The following LIN54 variants were observed in gnomAD, a reference collection of about 807,000 sequenced individuals.
The protein encoded by LIN54 is lin-54 DREAM MuvB core complex component, also known as protein lin-54 homolog.
A neutral mutation model predicts 78.7 loss-of-function variants in LIN54; 9 were observed. The ratio of observed to expected loss-of-function variants is 0.11; its 90% CI spans 0.07 to 0.20. LIN54 has a LOEUF of 0.20. Ranked by LOEUF, LIN54 falls within the 10% of genes least tolerant of loss-of-function variation. The pLI, the probability that LIN54 is intolerant of heterozygous loss-of-function variation, is 1.00. For missense variants in LIN54, 573 were observed against 889.9 expected, an observed-to-expected ratio of 0.64 and a Z score of 4.53; for synonymous variants, 269 against 318.4, an observed-to-expected ratio of 0.84 and a Z score of 1.65.
chr4:82,984,574 C>G lies in LIN54; in HGVS notation c.271G>C (p.Val91Leu). The G allele has an allele frequency of 6.2e-7, 1 of 1,614,194 alleles. No individual in the cohort carries two copies. The highest frequency in any genetic ancestry group is 1.6e-4 in the Middle Eastern group (1 of 6,062). The change falls in exon 2 of 13, where the codon GTG (valine) becomes CTG (leucine). Residue 91 changes from valine to leucine, a missense_variant. Val to Leu is a conservative substitution (Grantham distance 32). Coordinates refer to ENST00000340417, the MANE Select transcript of LIN54 (RefSeq NM_194282.4). ...TITKADSNTT[V>L]KPAFPSGLQK... is the part of the protein sequence containing the mutation. ...AGGCCACTTGGAAAAGCTGGTTTCA[C>G]TGTGGTATTAGAATCTGCTTTAGTA... is the stretch of plus-strand genomic sequence containing the variant.
chr4:82,997,576 A>G (rs1728324856), intron 1 of LIN54, among the ~76,000 whole-genome samples: 1 of 152,062 alleles, frequency 6.6e-6, no homozygotes, highest in South Asian at 2.1e-4. Context: ...GATCACAGTT[A>G]TATTTTGGGA....
At chr4:83,001,048 C>G (rs140832810) in intron 1 of LIN54, among the ~76,000 whole-genome samples, 13 of 151,754 alleles carry the variant, frequency 8.6e-5, no homozygotes, top group East Asian at 5.8e-4. Context: ...AAACTCCTAA[C>G]CTCAGGTGAT....
At chr4:83,005,749 T>A (rs527899614) in intron 1 of LIN54, among the ~76,000 whole-genome samples, 1 of 152,260 alleles carries the variant, frequency 6.6e-6, no homozygotes, top group East Asian at 1.9e-4. Context: ...CTAAAAGAAT[T>A]TGACCATTTG....
At chr4:82,931,212 CAATCA>C (rs1721924623) in intron 11 of LIN54, 67 bp from the exon 12 acceptor site, 2 of 1,129,518 alleles carry the variant, frequency 1.8e-6, no homozygotes, top group Non-Finnish European at 2.7e-6. Context: ...GTAGATGCCA[CAATCA>C]AATCAACAGC....
intron 2 of LIN54, 112 bp downstream of exon 2, chr4:82,984,049 C>T: frequency 1.4e-6 from 1 of 730,214 alleles, no homozygotes; most frequent in South Asian, 2.0e-5. Context: ...AAACAACATT[C>T]AAAAGAATTC....
chr4:83,003,428 A>C (rs926817812), intron 1 of LIN54: 3 of 152,200 alleles, frequency 2.0e-5, no homozygotes, highest in African/African-American at 7.2e-5. Flanking sequence ...AGTTCTGATG[A>C]AGTTTTGAAA....
At chr4:82,957,544 G>A (rs1257461968) in intron 4 of LIN54, among the ~76,000 whole-genome samples, 1 of 151,900 alleles carries the variant, frequency 6.6e-6, no homozygotes, top group Non-Finnish European at 1.5e-5. Flanking sequence ...CAATATTTCC[G>A]ATTCATATTT....
intron 2 of LIN54, among the ~76,000 whole-genome samples, chr4:82,982,321 C>T (rs1726743938): frequency 6.6e-6 from 1 of 152,104 alleles, no homozygotes; most frequent in African/African-American, 2.4e-5. Flanking sequence ...CTAGACCTCC[C>T]CGGCTCAAGC....
intron 4 of LIN54, among the ~76,000 whole-genome samples, chr4:82,965,463 C>T (rs542792214): frequency 1.3e-5 from 2 of 152,210 alleles, no homozygotes; most frequent in Admixed American, 1.3e-4. Flanking sequence ...TGGGAAACAC[C>T]TAGGCTTCCA....
chr4:82,984,987 T>G, intron 1 of LIN54, 111 bp from the exon 2 acceptor site: 1 of 677,544 alleles, frequency 1.5e-6, no homozygotes, highest in Non-Finnish European at 2.5e-6. Context: ...GATATATAAT[T>G]GAATGAAGAA....
intron 7 of LIN54, among the ~76,000 whole-genome samples, chr4:82,939,108 T>TA (rs1289254018): frequency 6.6e-6 from 1 of 152,248 alleles, no homozygotes; most frequent in African/African-American, 2.4e-5. Flanking sequence ...TCGCTGAAGA[T>TA]ATGTCACCTG....
rs568981262 is a variant in LIN54, at chr4:82,943,955, G to C, written c.1168+2303C>G. On this transcript the variant is annotated intron_variant, in intron 5 of 12. Transcript: ENST00000340417. Reference sequence around the variant, plus strand: ...GTGATCTCAGCTCACTGCAACCTCTGCCTCCCGGGTTCAAGTGATTCTCCT... The same window carrying C: ...GTGATCTCAGCTCACTGCAACCTCTCCCTCCCGGGTTCAAGTGATTCTCCT... 2.1e-5 allele frequency among the ~76,000 whole-genome samples: 3 copies of C among 145,848 alleles called. No individual in the cohort carries two copies. In the South Asian group the frequency reaches 6.4e-4, roughly 31 times the overall value.
intron 4 of LIN54, among the ~76,000 whole-genome samples, chr4:82,962,553 C>A (rs1387376871): frequency 6.6e-6 from 1 of 150,972 alleles, no homozygotes; most frequent in Non-Finnish European, 1.5e-5. Context: ...AAAAGACGGA[C>A]AACAGATAAT....
Position 83,004,992 on chromosome 4 carries a change from T to C in LIN54, c.-33+5492A>G, listed in dbSNP as rs1729225550. Among the ~76,000 whole-genome samples the C allele has an allele frequency of 2.0e-5, 3 of 152,136 alleles. No homozygotes were observed. The South Asian group carries it at 6.2e-4, about 32-fold the overall frequency. On this transcript the variant is annotated intron_variant, in intron 1 of 12. Coordinates refer to ENST00000340417, the MANE Select transcript of LIN54 (RefSeq NM_194282.4). ...TCTCTGCAACCTCTGCCTCCCAGGT[T>C]CAAACAATTCTCCTGCCTCAGCCTC...
chr4:82,984,129 T>C (rs1726915654), intron 2 of LIN54, 32 bp downstream of exon 2: 3 of 1,479,142 alleles, frequency 2.0e-6, no homozygotes, highest in African/African-American at 1.4e-5. Flanking sequence ...TAAACATGCA[T>C]TTTAATTAGT....
intron 11 of LIN54, 45 bp from the exon 12 acceptor site, chr4:82,931,190 A>G: frequency 7.2e-7 from 1 of 1,394,200 alleles, no homozygotes; most frequent in Non-Finnish European, 1.0e-6. Flanking sequence ...AAACCAAAAT[A>G]CATTACTATA....
chr4:82,980,944 T>A (rs1206600605), intron 2 of LIN54, among the ~76,000 whole-genome samples: 1 of 152,178 alleles, frequency 6.6e-6, no homozygotes, highest in African/African-American at 2.4e-5. Context: ...CATTAATTAT[T>A]CAAATAAACA....
At chr4:82,935,916 T>A in intron 11 of LIN54, 65 bp downstream of exon 11, 1 of 1,493,732 alleles carries the variant, frequency 6.7e-7, no homozygotes. Context: ...TCAAGTAAAT[T>A]TTTGTAGTAG....
At chr4:82,933,757 TTC>T (rs779495443) in intron 11 of LIN54, among the ~76,000 whole-genome samples, 10 of 152,258 alleles carry the variant, frequency 6.6e-5, no homozygotes, top group Admixed American at 1.3e-4. Context: ...GGGCTGTCTC[TTC>T]TAACACTTTT....
Sources: allele counts gnomAD v4.1 joint callset (sites outside exome capture counted in the v4.1 genomes callset), GRCh38; gene constraint gnomAD v4.1.1; transcripts MANE v1.5; gene names NCBI Gene and HGNC (gene_info 2026-07-23, HGNC 2026-07-21).